Variants in ARHGAP11A observed in about 807,000 individuals in gnomAD.
ARHGAP11A encodes the protein rho GTPase-activating protein 11A.
A neutral mutation model predicts 60.5 loss-of-function variants in ARHGAP11A; 36 were observed. The observed-to-expected ratio is 0.59, with a 90% CI of 0.46 to 0.79. ARHGAP11A has a LOEUF of 0.79. Ranked by LOEUF, ARHGAP11A falls within the 30% of genes least tolerant of loss-of-function variation. ARHGAP11A has a pLI of 0.00. For synonymous variants in ARHGAP11A, 362 were observed against 415.5 expected, an observed-to-expected ratio of 0.87 and a Z score of 1.57; for missense variants, 1,071 against 1,199.2, an observed-to-expected ratio of 0.89 and a Z score of 1.58.
chr15:32,632,673 T>C (rs2053611518), intron 8 of ARHGAP11A, among the ~76,000 whole-genome samples: 1 of 152,218 alleles, frequency 6.6e-6, no homozygotes, highest in Admixed American at 6.5e-5. Context: ...CAAATCTTGT[T>C]CTTTTTCCAG....
intron 10 of ARHGAP11A, 37 bp from the exon 11 acceptor site, chr15:32,635,740 C>A: frequency 1.4e-6 from 2 of 1,397,252 alleles, no homozygotes; most frequent in Admixed American, 2.7e-5. Context: ...ATTAACTAGG[C>A]TTATTTCTTA....
intron 1 of ARHGAP11A, among the ~76,000 whole-genome samples, chr15:32,618,216 A>C (rs2140438731): frequency 6.6e-6 from 1 of 152,344 alleles, no homozygotes; most frequent in South Asian, 2.1e-4. Context: ...TTTTAAAAAC[A>C]TTTTATGAGA....
At chr15:32,630,183 A>C (rs973651783) in intron 8 of ARHGAP11A, among the ~76,000 whole-genome samples, 22 of 89,776 alleles carry the variant, frequency 2.5e-4, no homozygotes, top group African/African-American at 1.1e-3. Flanking sequence ...TGGGAGCGTT[A>C]CTATTGCAGG....
In ARHGAP11A at chr15:32,627,491, A is replaced by G. The variant is rs566122849; in HGVS notation, c.863-1237A>G. Reference sequence around the variant, plus strand: ...ACGCCTGTAATTCCAGCACTTTGGGAGGCCAAGGTGGGCGGATCATGAGGT... The same window carrying G: ...ACGCCTGTAATTCCAGCACTTTGGGGGGCCAAGGTGGGCGGATCATGAGGT... On this transcript the variant is annotated intron_variant, in intron 6 of 11. Transcript: ENST00000361627. 4.6e-5 allele frequency among the ~76,000 whole-genome samples: 7 copies of G among 152,126 alleles called. No homozygotes were observed. The East Asian group carries it at 1.4e-3, about 30-fold the overall frequency.
intron 8 of ARHGAP11A, among the ~76,000 whole-genome samples, 159 bp downstream of exon 8, chr15:32,629,921 A>G (rs543247315): frequency 7.6e-5 from 11 of 144,382 alleles, no homozygotes; most frequent in African/African-American, 2.9e-4. Flanking sequence ...TGCCTTTTAA[A>G]ATAGACACTG....
chr15:32,629,580 T>C lies in ARHGAP11A; in HGVS notation c.938-15T>C. 6.3e-7 allele frequency: 1 copy of C among 1,586,852 alleles called. No individual in the cohort carries two copies. The highest frequency in any genetic ancestry group is 1.7e-4 in the Middle Eastern group (1 of 5,922). On this transcript the variant is annotated splice_polypyrimidine_tract_variant and intron_variant, in intron 7 of 11. Transcript: ENST00000361627. ...GCAGTAGAAACAAGTTGGTTTTGTTTTGATATTTTTTCAGCCCAGCTATCT... is the reference window on the plus strand; with the variant it reads ...GCAGTAGAAACAAGTTGGTTTTGTTCTGATATTTTTTCAGCCCAGCTATCT...
In ARHGAP11A at chr15:32,636,344, C is replaced by G. The variant is rs1180452725; in HGVS notation, c.1571C>G (p.Pro524Arg). 6.2e-7 allele frequency: 1 copy of G among 1,613,846 alleles called. No individual in the cohort carries two copies. The highest frequency in any genetic ancestry group is 8.5e-7 in the Non-Finnish European group (1 of 1,179,958). ...GTNYRMSWTG[P>R]NNSSFQEVDA... Reference sequence around the variant, plus strand: ...AATTACCGGATGTCTTGGACAGGACCTAATAATTCAAGTTTTCAAGAAGTA... The same window carrying G: ...AATTACCGGATGTCTTGGACAGGACGTAATAATTCAAGTTTTCAAGAAGTA... Residue 524 changes from proline to arginine, a missense_variant, in exon 12 of 12, where the codon CCT (proline) becomes CGT (arginine). Transcript: ENST00000361627.
chr15:32,625,104 C>T lies in ARHGAP11A; in HGVS notation c.576C>T (p.Ser192=). Residue 192 remains serine (S), a synonymous_variant, in exon 5 of 12, where the codon AGC becomes AGT. Coordinates refer to ENST00000361627, the MANE Select transcript of ARHGAP11A (RefSeq NM_014783.6). ...GATCCAGTGAGAATAAGATGGACAG[C>T]AGCAATCTTGCAGTAATATTTGCAC... ...SLRSSENKMD[S]SNLAVIFAPN... The T allele has an allele frequency of 1.2e-6, 2 of 1,613,870 alleles. No individual in the cohort carries two copies. Among genetic ancestry groups the T allele is most frequent in the Non-Finnish European group, 1.7e-6 (2 of 1,179,808 alleles).
rs2053259990 is a variant in ARHGAP11A at position 32,620,134 on chromosome 15, T to A, written c.156T>A (p.Asn52Lys). The A allele has an allele frequency of 6.8e-6, 11 of 1,611,526 alleles. No homozygotes were observed. Among genetic ancestry groups the A allele is most frequent in the Non-Finnish European group, 9.3e-6 (11 of 1,178,650 alleles). Reference protein sequence around the residue: ...IGGKIFGVPFNALPHSAVPEY... With the variant: ...IGGKIFGVPFKALPHSAVPEY... The stretch of plus-strand genomic sequence containing the variant: ...GTAAAATATTTGGAGTACCTTTTAA[T>A]GCACTGCCCCATTCTGCTGTACCAG... Residue 52 changes from asparagine (N) to lysine (K), a missense_variant, in exon 2 of 12, where the codon AAT (asparagine) becomes AAA (lysine). Physicochemically the swap from Asn to Lys is moderately conservative, Grantham distance 94 (BLOSUM62 0). This residue lies in a region of ARHGAP11A where 71 missense variants were observed against 142.4 expected (regional missense o/e 0.50). Transcript: ENST00000361627.
Position 32,629,639 on chromosome 15 carries a change from C to T in ARHGAP11A, c.982C>T (p.Arg328Cys), listed in dbSNP as rs760328531. ...SPVILTPNAK[R>C]TLPVDSSHGF... The stretch of plus-strand genomic sequence containing the variant: ...AGTGATTCTTACACCAAATGCTAAG[C>T]GTACATTGCCAGTAGATTCTTCTCA... The change falls in exon 8 of 12, where the codon CGT becomes TGT. Residue 328 changes from arginine to cysteine, a missense_variant. Arg to Cys is a radical substitution (Grantham distance 180). This residue lies in a region of ARHGAP11A where 196 missense variants were observed against 272.1 expected (regional missense o/e 0.72). Coordinates refer to ENST00000361627, the MANE Select transcript of ARHGAP11A (RefSeq NM_014783.6). 26 of 1,612,902 alleles carry T rather than the reference C, an allele frequency of 1.6e-5. No individual in the cohort carries two copies. The highest frequency in any genetic ancestry group is 3.3e-5 in the South Asian group (3 of 90,764).
At chr15:32,616,518 C>T (rs2053153156) in intron 1 of ARHGAP11A, among the ~76,000 whole-genome samples, 178 bp downstream of exon 1, 2 of 151,966 alleles carry the variant, frequency 1.3e-5, no homozygotes, top group African/African-American at 4.8e-5. Context: ...TTTTTTTTCC[C>T]CCAAGGATTT....
At position 32,636,456 on chromosome 15, in the gene ARHGAP11A, T is replaced by TA; in HGVS notation, c.1684dup (p.Thr562AsnfsTer4). Reference sequence around the variant, plus strand: ...ATATTATGGTAGAAAAGTCACCTGCTACTTCATGTGAACTCACCCCTTCCA... The same window carrying TA: ...ATATTATGGTAGAAAAGTCACCTGCTAACTTCATGTGAACTCACCCCTTCCA... On this transcript the variant is annotated frameshift_variant, in exon 12 of 12. Coordinates refer to ENST00000361627, the MANE Select transcript of ARHGAP11A (RefSeq NM_014783.6). LOFTEE classifies it low-confidence loss of function (END_TRUNC). 6.2e-7 allele frequency: 1 copy of TA among 1,613,914 alleles called. No homozygotes were observed. The highest frequency in any genetic ancestry group is 1.1e-5 in the South Asian group (1 of 91,054).
At chr15:32,632,865 G>T in intron 8 of ARHGAP11A, 114 bp from the exon 9 acceptor site, 1 of 961,084 alleles carries the variant, frequency 1.0e-6, no homozygotes, top group Non-Finnish European at 1.5e-6. Context: ...AAGTGATTTC[G>T]GTTGTTGCTT....
At position 32,637,909 on chromosome 15, in the gene ARHGAP11A, GA is replaced by G. The variant is rs1390928997; in HGVS notation, c.*65del. 111 of 1,332,150 alleles carry G rather than the reference GA, an allele frequency of 8.3e-5. No homozygotes were observed. Among genetic ancestry groups the G allele is most frequent in the Non-Finnish European group, 1.1e-4 (104 of 980,662 alleles). 82.5% of individuals were successfully genotyped at this position (1,332,150 alleles called of 1,614,324 possible). ...GAGTAATTGGTATGACTTGCAGGAT[GA>G]TGTACATGTTAGTTTGTAGCTCAGG... On this transcript the variant is annotated 3_prime_UTR_variant, in exon 12 of 12. Transcript: ENST00000361627.
In ARHGAP11A at chr15:32,637,758, A is replaced by G; in HGVS notation, c.2985A>G (p.Glu995=). The change falls in exon 12 of 12, where the codon GAA becomes GAG. Residue 995 remains glutamate (E), a synonymous_variant. Transcript: ENST00000361627. ...INNRVLRRPS[E]RGRAWYKGSP... ...ACAGGGTCCTTAGGAGACCATCAGA[A>G]AGAGGAAGGGCCTGGTACAAAGGTT... is the stretch of plus-strand genomic sequence containing the variant. 6.2e-7 allele frequency: 1 copy of G among 1,614,136 alleles called. No individual in the cohort carries two copies. The highest frequency in any genetic ancestry group is 8.5e-7 in the Non-Finnish European group (1 of 1,180,010).
At position 32,636,900 on chromosome 15, in the gene ARHGAP11A, A is replaced by T; in HGVS notation, c.2127A>T (p.Lys709Asn). 1.9e-6 allele frequency: 3 copies of T among 1,613,516 alleles called. No individual in the cohort carries two copies. Among genetic ancestry groups the T allele is most frequent in the Admixed American group, 3.3e-5 (2 of 59,936 alleles). ...AAGACATTCATTCAAATATGCCAAA[A>T]GATTATTTAAGCAAGCAAGAATTCT... is the stretch of plus-strand genomic sequence containing the variant. ...HEKDIHSNMP[K>N]DYLSKQEFSS... The change falls in exon 12 of 12, where the codon AAA becomes AAT. Residue 709 changes from lysine (K) to asparagine (N), a missense_variant. This residue lies in a region of ARHGAP11A where 776 missense variants were observed against 760.2 expected (regional missense o/e 1.02). Coordinates refer to ENST00000361627, the MANE Select transcript of ARHGAP11A (RefSeq NM_014783.6).
intron 6 of ARHGAP11A, among the ~76,000 whole-genome samples, chr15:32,625,845 A>G (rs2053445691): frequency 6.6e-6 from 1 of 152,262 alleles, no homozygotes; most frequent in Non-Finnish European, 1.5e-5. Flanking sequence ...TGTTAAAAGG[A>G]GAAAAGTTCC....
intron 1 of ARHGAP11A, among the ~76,000 whole-genome samples, chr15:32,618,946 C>G (rs535546960): frequency 9.2e-5 from 14 of 152,090 alleles, no homozygotes; most frequent in African/African-American, 2.4e-4. Flanking sequence ...GTGAGACTCC[C>G]TCTCAAAAAA....
intron 6 of ARHGAP11A, among the ~76,000 whole-genome samples, chr15:32,627,563 A>G (rs1326255646): frequency 2.0e-5 from 3 of 151,886 alleles, no homozygotes; most frequent in Non-Finnish European, 4.4e-5. Context: ...CCCCGTCTCT[A>G]CTAAGAATAT....
Sources: gnomAD v4.1 joint callset for allele counts (sites outside exome capture counted in the v4.1 genomes callset) on GRCh38, gnomAD v4.1.1 for gene constraint, gnomAD v4.1.1 regional missense constraint, MANE v1.5 for transcripts, NCBI Gene and HGNC (gene_info 2026-07-23, HGNC 2026-07-21) for gene names.